Variants in MYH15 observed in about 807,000 individuals in gnomAD.
MYH15 encodes the protein myosin-15.
MYH15 carries 227 observed loss-of-function variants against 240.5 expected under a neutral mutation model. The observed-to-expected ratio is 0.94, with a 90% CI of 0.85 to 1.05. MYH15 has a LOEUF of 1.05. MYH15 is among the 50% of genes least tolerant of loss of function. The pLI, the probability that MYH15 is intolerant of heterozygous loss-of-function variation, is 0.00. For missense variants in MYH15, 2,217 were observed against 2,247.5 expected (o/e 0.99, Z 0.27); for synonymous variants, 785 against 796.7 (o/e 0.99, Z 0.25).
At chr3:108,512,582 T>A (rs1315711959), upstream of MYH15, among the ~76,000 whole-genome samples, 1 of 152,192 alleles carries the variant, frequency 6.6e-6, no homozygotes, top group Non-Finnish European at 1.5e-5. Flanking sequence ...AAGAAATGGA[T>A]GTCTGTCTGA....
At position 108,444,754 on chromosome 3, in the gene MYH15, C is replaced by G. The variant is rs544597065; in HGVS notation, c.2541G>C (p.Glu847Asp). Residue 847 changes from glutamate to aspartate, a missense_variant, in exon 22 of 41, where the codon GAG becomes GAC. Glu to Asp is a conservative substitution (Grantham distance 45, BLOSUM62 2). Coordinates refer to ENST00000693548, the MANE Select transcript of MYH15 (RefSeq NM_014981.3). ...CCAAGGCTTTCTGTAATTGTGCACA[C>G]TCTTCCTTCAGTCCAGCTACTTCTT... is the stretch of plus-strand genomic sequence containing the variant. ...VGEEVAGLKE[E>D]CAQLQKALEK... The G allele has an allele frequency of 9.3e-6, 15 of 1,614,108 alleles. No individual in the cohort carries two copies. The highest frequency in any genetic ancestry group is 3.3e-4 in the Middle Eastern group (2 of 6,062).
In MYH15 at chr3:108,381,763, G is replaced by A. The variant is rs766459690; in HGVS notation, c.5767-204C>T. Among the ~76,000 whole-genome samples the A allele has an allele frequency of 3.9e-5, 6 of 152,130 alleles. No homozygotes were observed. The South Asian group carries it at 6.2e-4, about 16-fold the overall frequency. Reference sequence around the variant, plus strand: ...GGTAATTCACCCCAAGGGCATGCTCGGTCACTCTCAATTTTCTGCCTGCCT... The same window carrying A: ...GGTAATTCACCCCAAGGGCATGCTCAGTCACTCTCAATTTTCTGCCTGCCT... On this transcript the variant is annotated intron_variant, in intron 40 of 40. Coordinates refer to ENST00000693548, the MANE Select transcript of MYH15 (RefSeq NM_014981.3).
chr3:108,480,160 G>C (rs2083255516), intron 11 of MYH15, among the ~76,000 whole-genome samples: 2 of 152,130 alleles, frequency 1.3e-5, no homozygotes, highest in African/African-American at 4.8e-5. Context: ...CTGTGAAGTA[G>C]GGAAAGAGCC....
At chr3:108,495,931 G>A (rs1311272696) in intron 6 of MYH15, 59 bp from the exon 7 acceptor site, 30 of 1,320,684 alleles carry the variant, frequency 2.3e-5, no homozygotes, top group African/African-American at 1.2e-4. Context: ...TCTGTAATGC[G>A]GCAAGCCCTC....
chr3:108,443,848 A>C (rs1198027756), intron 22 of MYH15, among the ~76,000 whole-genome samples: 1 of 142,114 alleles, frequency 7.0e-6, no homozygotes, highest in Non-Finnish European at 1.5e-5. Context: ...CTGAGAGTGG[A>C]GTCTAGGCAT....
chr3:108,436,786 C>T (rs1436703664), intron 25 of MYH15, among the ~76,000 whole-genome samples: 1 of 152,152 alleles, frequency 6.6e-6, no homozygotes, highest in East Asian at 1.9e-4. Context: ...ATCCACCCAC[C>T]TCGGAAACCT....
In MYH15 at chr3:108,470,055, T is replaced by C. The variant is rs1256866403; in HGVS notation, c.1541A>G (p.Asp514Gly). The change falls in exon 14 of 41, where the codon GAT (aspartate) becomes GGT (glycine). Residue 514 changes from aspartate to glycine, a missense_variant. Physicochemically the swap from Asp to Gly is moderately conservative, Grantham distance 94 (BLOSUM62 -1). Transcript: ENST00000693548. ...GFGLDLQACI[D>G]LIEKPMGILS... ...AACATATATTACCTTCTCAATGAGA[T>C]CTATGCAAGCTTGCAAATCCAGACC... 6.3e-7 allele frequency: 1 copy of C among 1,597,840 alleles called. No homozygotes were observed. The highest frequency in any genetic ancestry group is 1.1e-5 in the South Asian group (1 of 87,490).
chr3:108,501,349 A>C (rs1215795936), intron 3 of MYH15, among the ~76,000 whole-genome samples: 2 of 152,170 alleles, frequency 1.3e-5, no homozygotes, highest in Non-Finnish European at 2.9e-5. Flanking sequence ...TGCTTTACCT[A>C]CATTCTTTTA....
Position 108,476,807 on chromosome 3 carries a change from C to T in MYH15, c.1115-292G>A, listed in dbSNP as rs181370341. On this transcript the variant is annotated intron_variant, in intron 11 of 40. Transcript: ENST00000693548. ...GCCACTAGAATGACTATAATCAAAA[C>T]GGCAGACAATAACAAGTGTTGACAA... Among the ~76,000 whole-genome samples, 33 of 152,154 alleles carry T rather than the reference C, an allele frequency of 2.2e-4. 1 individual carries two copies. The South Asian group carries it at 2.5e-3, about 11-fold the overall frequency.
intron 27 of MYH15, among the ~76,000 whole-genome samples, chr3:108,427,330 TAGGAGGTGATGA>T (rs1440535655): frequency 6.6e-6 from 1 of 152,136 alleles, no homozygotes; most frequent in Non-Finnish European, 1.5e-5. Context: ...ATGGGGCCTT[TAGGAGGTGATGA>T]AGTCATGAGG....
At chr3:108,509,921 A>T (rs1003119610) in intron 1 of MYH15, among the ~76,000 whole-genome samples, 1 of 152,132 alleles carries the variant, frequency 6.6e-6, no homozygotes, top group Non-Finnish European at 1.5e-5. Context: ...GTGTTGGCTG[A>T]GTGACCCTGC....
intron 27 of MYH15, among the ~76,000 whole-genome samples, chr3:108,424,134 G>A (rs7615601): frequency 0.12 from 18,875 of 152,190 alleles, 1,268 homozygotes; most frequent in South Asian, 0.26. Flanking sequence ...TCAATGGTGC[G>A]TGGAAATGGT....
intron 21 of MYH15, among the ~76,000 whole-genome samples, chr3:108,453,600 A>AC (rs1472757917): frequency 2.0e-5 from 3 of 152,150 alleles, no homozygotes; most frequent in African/African-American, 7.2e-5. Flanking sequence ...ACAGTTTCTG[A>AC]CCCAGGGGAG....
chr3:108,445,864 G>A (rs767367571), intron 21 of MYH15, among the ~76,000 whole-genome samples: 17 of 151,936 alleles, frequency 1.1e-4, no homozygotes, highest in Non-Finnish European at 2.2e-4. Flanking sequence ...CAAATAAAAT[G>A]TCTAAAACTA....
chr3:108,513,919 G>C (rs561141090), upstream of MYH15, among the ~76,000 whole-genome samples: 495 of 152,280 alleles, frequency 3.3e-3, 8 homozygotes, highest in Admixed American at 0.028. Flanking sequence ...TTCTGTTCTA[G>C]AGTTCACCTT....
At chr3:108,514,042 C>T (rs143449904), upstream of MYH15, among the ~76,000 whole-genome samples, 228 of 152,256 alleles carry the variant, frequency 1.5e-3, no homozygotes, top group Non-Finnish European at 2.6e-3. Context: ...GAATGGGAAG[C>T]CCTTACTGGG....
chr3:108,516,648 T>C (rs1055834391), intron 1 of MYH15, among the ~76,000 whole-genome samples: 11 of 152,166 alleles, frequency 7.2e-5, no homozygotes, highest in African/African-American at 2.7e-4. Flanking sequence ...GTTTCCTCCA[T>C]AGAAAATCTT....
At chr3:108,469,264 C>T (rs1394090644) in intron 14 of MYH15, among the ~76,000 whole-genome samples, 1 of 152,134 alleles carries the variant, frequency 6.6e-6, no homozygotes, top group African/African-American at 2.4e-5. Flanking sequence ...CTAGAGTATT[C>T]AGGAAATGAA....
intron 38 of MYH15, among the ~76,000 whole-genome samples, chr3:108,387,928 A>G (rs1560305403): frequency 6.6e-6 from 1 of 152,254 alleles, no homozygotes; most frequent in African/African-American, 2.4e-5. Flanking sequence ...CTGCAAGGGA[A>G]GAAGACTTTG....
Sources: allele counts gnomAD v4.1 joint callset (sites outside exome capture counted in the v4.1 genomes callset), GRCh38; gene constraint gnomAD v4.1.1; transcripts MANE v1.5; gene names NCBI Gene and HGNC (gene_info 2026-07-23, HGNC 2026-07-21).